The following CDCA2 variants were observed in gnomAD, a reference collection of about 807,000 sequenced individuals.
CDCA2 encodes the protein cell division cycle-associated protein 2.
In CDCA2, 44 loss-of-function variants were observed where a neutral mutation model predicts 67.0. The observed-to-expected ratio is 0.66, with a 90% CI of 0.52 to 0.84. The LOEUF (loss-of-function observed/expected upper bound fraction) is 0.84. Among genes scored for constraint, CDCA2 ranks in the 40% least tolerant of loss-of-function variants. CDCA2 has a pLI of 0.00. For synonymous variants in CDCA2, 447 were observed against 418.7 expected, an observed-to-expected ratio of 1.07 and a Z score of -0.82; for missense variants, 1,253 against 1,203.2, an observed-to-expected ratio of 1.04 and a Z score of -0.61.
Position 25,461,974 on chromosome 8 carries a change from G to T in CDCA2, c.233-80G>T. ...ATGTTTATCATGTTTTCTCTCTCAG[G>T]CTGGTACATCACGAGTATTGGATGT... On this transcript the variant is annotated intron_variant, in intron 3 of 14. Coordinates refer to ENST00000330560, the MANE Select transcript of CDCA2 (RefSeq NM_152562.4). The T allele has an allele frequency of 1.5e-6, 2 of 1,359,348 alleles. 1 individual carries two copies. The highest frequency in any genetic ancestry group is 2.5e-5 in the South Asian group (2 of 81,188). 84.2% of individuals were successfully genotyped at this position (1,359,348 alleles called of 1,614,324 possible).
chr8:25,499,167 G>A (rs530487348), intron 13 of CDCA2, among the ~76,000 whole-genome samples: 1 of 152,042 alleles, frequency 6.6e-6, no homozygotes, highest in Non-Finnish European at 1.5e-5. Flanking sequence ...CCCTTTATCA[G>A]AGAGAGGGAG....
intron 13 of CDCA2, among the ~76,000 whole-genome samples, chr8:25,491,449 A>G (rs1803999759): frequency 6.6e-6 from 1 of 152,214 alleles, no homozygotes; most frequent in Non-Finnish European, 1.5e-5. Context: ...CTTTTCCTAC[A>G]GAGAAATAAG....
chr8:25,461,009 C>G (rs564485861), intron 3 of CDCA2, among the ~76,000 whole-genome samples: 90 of 152,140 alleles, frequency 5.9e-4, no homozygotes, highest in African/African-American at 1.9e-3. Context: ...GGCTCAAGCC[C>G]GTAATCCCAG....
intron 13 of CDCA2, among the ~76,000 whole-genome samples, chr8:25,500,369 A>T (rs1366515874): frequency 6.6e-6 from 1 of 152,020 alleles, no homozygotes; most frequent in Non-Finnish European, 1.5e-5. Flanking sequence ...TAATACTAAT[A>T]ACATAATTTA....
At chr8:25,461,997 T>C in intron 3 of CDCA2, 57 bp from the exon 4 acceptor site, 4 of 1,521,472 alleles carry the variant, frequency 2.6e-6, no homozygotes, top group Non-Finnish European at 3.6e-6. Context: ...GAGTATTGGA[T>C]GTGGTTACTG....
chr8:25,482,863 G>A (rs1803624134), intron 8 of CDCA2, among the ~76,000 whole-genome samples: 1 of 152,078 alleles, frequency 6.6e-6, no homozygotes, highest in Non-Finnish European at 1.5e-5. Flanking sequence ...GCCAGACCTT[G>A]TCTCAAAAAT....
At chr8:25,488,758 A>G in intron 13 of CDCA2, 69 bp downstream of exon 13, 1 of 1,386,950 alleles carries the variant, frequency 7.2e-7, no homozygotes, top group Non-Finnish European at 9.4e-7. Flanking sequence ...AATTAGGAAA[A>G]TATAGAAACA....
Position 25,468,224 on chromosome 8 carries a change from G to A in CDCA2, c.546G>A (p.Lys182=). 1 of 1,574,044 alleles carries A rather than the reference G, an allele frequency of 6.4e-7. No individual in the cohort carries two copies. Among genetic ancestry groups the A allele is most frequent in the Non-Finnish European group, 8.6e-7 (1 of 1,158,114 alleles). Residue 182 remains lysine (K), a synonymous_variant, in exon 6 of 15, where the codon AAG becomes AAA. Coordinates refer to ENST00000330560, the MANE Select transcript of CDCA2 (RefSeq NM_152562.4). ...TTTATTTTGTGTTTATAGCCAGAAA[G>A]GAAGGTCTCAGCGCTTGCCAGCAGT... ...KESEMTDLTR[K]EGLSACQQSG...
intron 7 of CDCA2, among the ~76,000 whole-genome samples, chr8:25,474,512 C>T (rs1803273477): frequency 6.6e-6 from 1 of 152,090 alleles, no homozygotes; most frequent in Non-Finnish European, 1.5e-5. Context: ...TTCTTTTATC[C>T]AATTTCTTGG....
chr8:25,490,221 T>G (rs1803948234), intron 13 of CDCA2, among the ~76,000 whole-genome samples: 1 of 152,076 alleles, frequency 6.6e-6, no homozygotes, highest in Non-Finnish European at 1.5e-5. Flanking sequence ...GTATATATAT[T>G]TTAAAGCACT....
At position 25,467,898 on chromosome 8, in the gene CDCA2, C is replaced by T. The variant is rs554218750; in HGVS notation, c.539-319C>T. Among the ~76,000 whole-genome samples the T allele has an allele frequency of 2.0e-5, 3 of 151,992 alleles. No homozygotes were observed. In the South Asian group the frequency reaches 6.2e-4, roughly 32 times the overall value. ...CTTTGGGAGGCTGAGGTGGGTGGATCACCTGAGGTCAGGAGTTCAGACCAG... is the reference window on the plus strand; with the variant it reads ...CTTTGGGAGGCTGAGGTGGGTGGATTACCTGAGGTCAGGAGTTCAGACCAG... On this transcript the variant is annotated intron_variant, in intron 5 of 14. Coordinates refer to ENST00000330560, the MANE Select transcript of CDCA2 (RefSeq NM_152562.4).
chr8:25,486,908 A>T (rs1447377550), intron 11 of CDCA2, among the ~76,000 whole-genome samples: 1 of 152,188 alleles, frequency 6.6e-6, no homozygotes, highest in African/African-American at 2.4e-5. Flanking sequence ...AATGTCCTTT[A>T]TTGCGATTTC....
Position 25,498,463 on chromosome 8 carries a change from C to G in CDCA2, c.1672-4910C>G, listed in dbSNP as rs141556281. On this transcript the variant is annotated intron_variant, in intron 13 of 14. Transcript: ENST00000330560. ...CCTCAGGTAATCTGCACCCCCCCCC[C>G]GCCCCCCAGGCCTCCCAAAGTGCTG... Among the ~76,000 whole-genome samples, 98 of 125,882 alleles carry G rather than the reference C, an allele frequency of 7.8e-4. 2 individuals are homozygous for G. Among genetic ancestry groups the G allele is most frequent in the African/African-American group, 2.6e-3 (93 of 35,624 alleles). The allele number at this position is 125,882 out of a possible 152,430, so 82.6% of individuals were successfully genotyped here. A position where few individuals can be genotyped will look rare whatever the true frequency, so the allele number is the denominator to read the frequency against.
intron 6 of CDCA2, among the ~76,000 whole-genome samples, chr8:25,468,773 G>A (rs544180846): frequency 6.6e-6 from 1 of 152,228 alleles, no homozygotes; most frequent in Admixed American, 6.5e-5. Context: ...TTCTACTGGG[G>A]AGCAGGGTAT....
intron 14 of CDCA2, among the ~76,000 whole-genome samples, chr8:25,506,026 G>A (rs1273407713): frequency 6.6e-6 from 1 of 152,208 alleles, no homozygotes; most frequent in African/African-American, 2.4e-5. Context: ...CATGAGACCT[G>A]AGTGTCTTCA....
intron 3 of CDCA2, among the ~76,000 whole-genome samples, chr8:25,461,309 T>C (rs574030713): frequency 6.6e-6 from 1 of 150,528 alleles, no homozygotes; most frequent in Admixed American, 6.6e-5. Context: ...AGAAGATTGA[T>C]TCTGGCTAAT....
At chr8:25,464,700 T>G (rs1802830643) in intron 4 of CDCA2, among the ~76,000 whole-genome samples, 2 of 152,178 alleles carry the variant, frequency 1.3e-5, no homozygotes, top group African/African-American at 4.8e-5. Context: ...CATGTTCAAA[T>G]ATGTGTGCAA....
intron 7 of CDCA2, among the ~76,000 whole-genome samples, chr8:25,471,437 A>G (rs1212597324): frequency 6.6e-6 from 1 of 152,074 alleles, no homozygotes; most frequent in African/African-American, 2.4e-5. Context: ...ATCTCAGCTT[A>G]CTGCAACCTC....
chr8:25,503,589 C>A, intron 14 of CDCA2, 45 bp downstream of exon 14: 1 of 1,542,974 alleles, frequency 6.5e-7, no homozygotes, highest in South Asian at 1.2e-5. Context: ...CTTTTCTCTT[C>A]ACCCTCTTTG....
Sources: allele counts gnomAD v4.1 joint callset (sites outside exome capture counted in the v4.1 genomes callset), GRCh38; gene constraint gnomAD v4.1.1; transcripts MANE v1.5; gene names NCBI Gene and HGNC (gene_info 2026-07-23, HGNC 2026-07-21).